POLR2F: variants seen among roughly 807,000 people sequenced by gnomAD.
POLR2F encodes DNA-directed RNA polymerases I, II, and III subunit RPABC2.
A neutral mutation model predicts 22.7 loss-of-function variants in POLR2F; 12 were observed. The ratio of observed to expected loss-of-function variants is 0.53; its 90% CI spans 0.34 to 0.86. The LOEUF (loss-of-function observed/expected upper bound fraction) is 0.86, where lower values mean the gene tolerates loss of function less well. Ranked by LOEUF, POLR2F falls within the 40% of genes least tolerant of loss-of-function variation. The pLI is 0.02. For synonymous variants in POLR2F, 57 were observed against 66.0 expected (o/e 0.86, Z 0.66); for missense variants, 126 against 171.5 (o/e 0.73, Z 1.48).
At chr22:38,028,205 G>T (rs183416944), downstream of POLR2F, among the ~76,000 whole-genome samples, 16 of 152,286 alleles carry the variant, frequency 1.1e-4, no homozygotes, top group Non-Finnish European at 1.8e-4. Context: ...GATGGAGGAG[G>T]TCACCACATG....
downstream of POLR2F, among the ~76,000 whole-genome samples, chr22:38,028,823 C>A (rs1278536354): frequency 6.6e-6 from 1 of 152,138 alleles, no homozygotes; most frequent in Non-Finnish European, 1.5e-5. Context: ...CTTTAGGGGA[C>A]CCTCCACCCG....
upstream of POLR2F, chr22:37,984,532 C>T (rs1015516980): frequency 8.5e-5 from 13 of 152,172 alleles, no homozygotes; most frequent in Non-Finnish European, 5.9e-5. This position sits in a 1 kb window ranked among gnomAD's most constrained non-coding sequence, Gnocchi z 4.4. Context: ...CCTGGCCGGA[C>T]AGCCCGAGAC....
At chr22:37,965,925 G>A (rs1451027782) in intron 3 of POLR2F, among the ~76,000 whole-genome samples, 1 of 152,180 alleles carries the variant, frequency 6.6e-6, no homozygotes, top group East Asian at 1.9e-4. Context: ...GCTTCCTAGA[G>A]GAGATGGGCC....
At chr22:38,030,371 T>C (rs1397187177), downstream of POLR2F, among the ~76,000 whole-genome samples, 2 of 152,118 alleles carry the variant, frequency 1.3e-5, no homozygotes, top group Non-Finnish European at 2.9e-5. Flanking sequence ...CCAATTTTCA[T>C]AGTGGAAAAA....
In POLR2F at chr22:37,967,114, G is replaced by A. The variant is rs142745640; in HGVS notation, c.237G>A (p.Val79=). 6.2e-7 allele frequency: 1 copy of A among 1,613,360 alleles called. No individual in the cohort carries two copies. The highest frequency in any genetic ancestry group is 1.3e-5 in the African/African-American group (1 of 75,038). The change falls in exon 4 of 5, where the codon GTG becomes GTA. Residue 79 remains valine, a synonymous_variant. Transcript: ENST00000442738. ...ATCCCTACAGGATGTGTGCCCCTGT[G>A]ATGGTGGAGCTGGAGGGGGAGACAG... is the stretch of plus-strand genomic sequence containing the variant. ...RALQIAMCAP[V]MVELEGETDP... is the part of the protein sequence containing the mutation.
chr22:38,010,230 C>A (rs1484677534), intron 1 of POLR2F, among the ~76,000 whole-genome samples: 1 of 151,950 alleles, frequency 6.6e-6, no homozygotes, highest in Admixed American at 6.6e-5. Context: ...AAAATATTAA[C>A]TAGATATTGC....
intron 1 of POLR2F, among the ~76,000 whole-genome samples, chr22:37,996,272 A>C (rs1280921843): frequency 6.6e-6 from 1 of 152,212 alleles, no homozygotes; most frequent in African/African-American, 2.4e-5. Context: ...CCACTGCCCC[A>C]GGGGACCCAG....
chr22:37,967,982 G>C lies in POLR2F; in HGVS notation c.*267G>C. On this transcript the variant is annotated 3_prime_UTR_variant, in exon 5 of 5. Coordinates refer to ENST00000442738, the MANE Select transcript of POLR2F (RefSeq NM_021974.5). ...TCCCTCCATCTCCCTGTTCCCCAGA[G>C]CAAAGGCTGCTGCAGGGGAGACACC... The C allele has an allele frequency of 9.1e-7, 1 of 1,102,048 alleles. No individual in the cohort carries two copies. Among genetic ancestry groups the C allele is most frequent in the Non-Finnish European group, 1.1e-6 (1 of 903,354 alleles). The allele number at this position is 1,102,048 out of a possible 1,614,324, so 68.3% of individuals were successfully genotyped here. A position where few individuals can be genotyped will look rare whatever the true frequency, so the allele number is the denominator to read the frequency against.
chr22:38,012,461 T>A (rs892722943), intron 1 of POLR2F, among the ~76,000 whole-genome samples: 1 of 152,194 alleles, frequency 6.6e-6, no homozygotes, highest in African/African-American at 2.4e-5. Context: ...CCGTATATCC[T>A]TTACCCAGCT....
chr22:37,988,683 A>T (rs1034557747), intron 1 of POLR2F: 1 of 154,350 alleles, frequency 6.5e-6, no homozygotes, highest in African/African-American at 2.4e-5. Flanking sequence ...ACAAAAAAAC[A>T]TACTGGAGCC....
At chr22:38,024,325 GTTTA>G (rs1424913011) in intron 1 of POLR2F, among the ~76,000 whole-genome samples, 1 of 152,198 alleles carries the variant, frequency 6.6e-6, no homozygotes, top group South Asian at 2.1e-4. Context: ...AACACATTTT[GTTTA>G]TTCATTTATT....
At chr22:37,967,600 A>G in intron 4 of POLR2F, 25 bp from the exon 5 acceptor site, 1 of 1,612,412 alleles carries the variant, frequency 6.2e-7, no homozygotes. Flanking sequence ...GCCCTCATGT[A>G]CTTGTGACTT....
chr22:37,989,343 G>A (rs572153198), intron 1 of POLR2F, among the ~76,000 whole-genome samples: 2 of 152,332 alleles, frequency 1.3e-5, no homozygotes, highest in African/African-American at 2.4e-5. Flanking sequence ...AAATCATTTA[G>A]CTATTAGGCC....
At chr22:37,983,827 C>CCG, upstream of POLR2F, 4 of 1,363,142 alleles carry the variant, frequency 2.9e-6, no homozygotes, top group Non-Finnish European at 3.8e-6. This position sits in a 1 kb window ranked among gnomAD's most constrained non-coding sequence, Gnocchi z 9.5. Flanking sequence ...CCGCCTCCCC[C>CCG]GGGCCAGCCG....
chr22:37,983,259 C>T (rs537148644), upstream of POLR2F: 45 of 1,369,140 alleles, frequency 3.3e-5, no homozygotes, highest in African/African-American at 5.7e-4. This position sits in a 1 kb window ranked among gnomAD's most constrained non-coding sequence, Gnocchi z 9.5. Context: ...GACTGCCAGA[C>T]AGTCCCGCTC....
chr22:38,041,426 C>A (rs187175456), downstream of POLR2F: 7 of 337,772 alleles, frequency 2.1e-5, no homozygotes, highest in Non-Finnish European at 1.1e-5. Context: ...GAGGGGAGGG[C>A]GGAATGAGCT....
chr22:38,028,189 G>A (rs1440412880), downstream of POLR2F, among the ~76,000 whole-genome samples: 5 of 152,140 alleles, frequency 3.3e-5, no homozygotes, highest in East Asian at 3.9e-4. Context: ...GAGAGACTGC[G>A]CTAGAGATGG....
Position 37,991,869 on chromosome 22 carries a change from G to A in POLR2F, c.120+5557G>A, listed in dbSNP as rs140616915. Among the ~76,000 whole-genome samples, 3 of 152,284 alleles carry A rather than the reference G, an allele frequency of 2.0e-5. No individual in the cohort carries two copies. In the East Asian group the frequency reaches 5.8e-4, roughly 29 times the overall value. On this transcript the variant is annotated intron_variant, in intron 1 of 2. Coordinates refer to the POLR2F transcript ENST00000333418. ...TGTCCTCCTGCATTGTCCCTGCTGG[G>A]GTGTGGACTTGAGGGCTGGGTCCTT...
chr22:37,981,114 C>T (rs1219426423), intron 4 of POLR2F, among the ~76,000 whole-genome samples: 1 of 152,198 alleles, frequency 6.6e-6, no homozygotes, highest in African/African-American at 2.4e-5. Context: ...TGTGTCTGAT[C>T]CCACACTCCC....
Sources: gnomAD v4.1 joint callset for allele counts (sites outside exome capture counted in the v4.1 genomes callset) on GRCh38, gnomAD v4.1.1 for gene constraint, Gnocchi (gnomAD v3.1) non-coding constraint, MANE v1.5 for transcripts, NCBI Gene and HGNC (gene_info 2026-07-23, HGNC 2026-07-21) for gene names.